The following FBXL20 variants were observed in gnomAD, a reference collection of about 807,000 sequenced individuals.
FBXL20 encodes the protein F-box and leucine rich repeat protein 20.
Under a neutral mutation model 64.0 loss-of-function variants are expected in FBXL20, and 11 were observed. That is an observed-to-expected ratio of 0.17 (90% CI 0.11 to 0.28). FBXL20 has a LOEUF of 0.28. Among genes scored for constraint, FBXL20 ranks in the 10% least tolerant of loss-of-function variants. The pLI is 1.00. For synonymous variants in FBXL20, 184 were observed against 189.0 expected, an observed-to-expected ratio of 0.97 and a Z score of 0.22; for missense variants, 303 against 526.2, an observed-to-expected ratio of 0.58 and a Z score of 4.15.
chr17:39,268,913 A>T lies in FBXL20; in HGVS notation c.889-42T>A, dbSNP rs1468869874. On this transcript the variant is annotated intron_variant, in intron 11 of 14. Transcript: ENST00000264658. ...CAAACACAAACATTACAGTACAAAC[A>T]TTTAAAACATGAGAAACTTTTAAGG... 3.2e-6 allele frequency: 5 copies of T among 1,556,422 alleles called. No individual in the cohort carries two copies. The South Asian group carries it at 4.5e-5, about 14-fold the overall frequency.
chr17:39,333,722 A>G (rs936818103), intron 2 of FBXL20, among the ~76,000 whole-genome samples: 19 of 138,828 alleles, frequency 1.4e-4, no homozygotes, highest in Non-Finnish European at 2.0e-4. Flanking sequence ...CCGGCCGCCC[A>G]TCATCTGGGA....
At chr17:39,300,494 G>A (rs2047124140) in intron 4 of FBXL20, among the ~76,000 whole-genome samples, 1 of 152,100 alleles carries the variant, frequency 6.6e-6, no homozygotes, top group Non-Finnish European at 1.5e-5. Context: ...AAAACATGGG[G>A]CAAAAAGTGA....
rs1374911909 is a variant in FBXL20, at chr17:39,275,032, A to G, written c.765T>C (p.Ser255=). The G allele has an allele frequency of 6.2e-7, 1 of 1,614,086 alleles. No homozygotes were observed. ...TGGCATCTGTGATGTTGGAGCAGCCAGAGGCACAAAGGGATTGTAACTTAT... is the reference window on the plus strand; with the variant it reads ...TGGCATCTGTGATGTTGGAGCAGCCGGAGGCACAAAGGGATTGTAACTTAT... ...GCHKLQSLCA[S]GCSNITDAIL... is the part of the protein sequence containing the mutation. Residue 255 remains serine (S), a synonymous_variant, in exon 10 of 15, where the codon TCT becomes TCC. Transcript: ENST00000264658.
intron 1 of FBXL20, among the ~76,000 whole-genome samples, chr17:39,363,816 A>AC: frequency 6.9e-6 from 1 of 144,106 alleles, no homozygotes; most frequent in African/African-American, 2.7e-5. Context: ...ATCTCAAAAA[A>AC]AAAAAAAAAA....
intron 1 of FBXL20, among the ~76,000 whole-genome samples, chr17:39,365,521 T>G (rs1226154827): frequency 6.6e-6 from 1 of 152,214 alleles, no homozygotes; most frequent in Admixed American, 6.6e-5. Context: ...GGTCAAACTT[T>G]CTGCTTTGGA....
intron 2 of FBXL20, among the ~76,000 whole-genome samples, chr17:39,333,510 A>G (rs1022649749): frequency 1.3e-5 from 2 of 152,098 alleles, no homozygotes; most frequent in Non-Finnish European, 2.9e-5. Context: ...TCCACCTCCC[A>G]GCCGCCTGCC....
At chr17:39,338,629 C>T (rs541532667) in intron 2 of FBXL20, among the ~76,000 whole-genome samples, 3 of 152,154 alleles carry the variant, frequency 2.0e-5, no homozygotes, top group African/African-American at 4.8e-5. Context: ...CTACAAAGAA[C>T]ATAATTCTGC....
chr17:39,401,315 G>A, intron 1 of FBXL20, 46 bp downstream of exon 1: 1 of 1,612,072 alleles, frequency 6.2e-7, no homozygotes. Flanking sequence ...GGATTAGAGC[G>A]CGCGACCCGC....
chr17:39,261,602 A>T, intron 14 of FBXL20, 35 bp from the exon 15 acceptor site: 1 of 1,487,346 alleles, frequency 6.7e-7, no homozygotes, highest in African/African-American at 1.4e-5. Flanking sequence ...CGTTTAAGAG[A>T]GGGCTTAAAC....
intron 4 of FBXL20, among the ~76,000 whole-genome samples, chr17:39,300,359 A>G (rs944980862): frequency 6.6e-6 from 1 of 152,212 alleles, no homozygotes; most frequent in Non-Finnish European, 1.5e-5. Context: ...AGAAGCCATG[A>G]AGAAGCTATT....
intron 6 of FBXL20, among the ~76,000 whole-genome samples, chr17:39,290,674 C>T (rs1243674250): frequency 6.6e-6 from 1 of 152,052 alleles, no homozygotes; most frequent in Non-Finnish European, 1.5e-5. Flanking sequence ...AAGCGATCCT[C>T]CCACCTCAGC....
At position 39,268,824 on chromosome 17, in the gene FBXL20, T is replaced by C. The variant is rs1162654192; in HGVS notation, c.933+3A>G. ...ATTTCTGAATTAAAATCTACAATCTTACCTGAACACACTCTTCCAGGTCCA... is the reference window on the plus strand; with the variant it reads ...ATTTCTGAATTAAAATCTACAATCTCACCTGAACACACTCTTCCAGGTCCA... On this transcript the variant is annotated splice_donor_region_variant and intron_variant, in intron 12 of 14. Coordinates refer to ENST00000264658, the MANE Select transcript of FBXL20 (RefSeq NM_032875.3). 37 of 1,612,178 alleles carry C rather than the reference T, an allele frequency of 2.3e-5. No individual in the cohort carries two copies. Among genetic ancestry groups the C allele is most frequent in the African/African-American group, 4.0e-5 (3 of 74,880 alleles).
At chr17:39,385,308 C>T (rs765222153) in intron 1 of FBXL20, among the ~76,000 whole-genome samples, 6 of 142,404 alleles carry the variant, frequency 4.2e-5, no homozygotes. Context: ...CACTGTGAGA[C>T]CCTGTCTCTA....
intron 2 of FBXL20, among the ~76,000 whole-genome samples, chr17:39,309,596 A>G (rs974638042): frequency 1.8e-4 from 28 of 152,010 alleles, no homozygotes; most frequent in Non-Finnish European, 3.7e-4. Flanking sequence ...TGAGGTCAGG[A>G]GTTCGAGACC....
intron 2 of FBXL20, among the ~76,000 whole-genome samples, chr17:39,324,021 C>T (rs1014571054): frequency 2.8e-5 from 4 of 140,908 alleles, no homozygotes; most frequent in African/African-American, 8.6e-5. Flanking sequence ...CCCTCCCCCC[C>T]CCACCCCCTG....
intron 1 of FBXL20, among the ~76,000 whole-genome samples, chr17:39,369,583 C>A (rs1321966058): frequency 6.6e-6 from 1 of 152,038 alleles, no homozygotes; most frequent in Admixed American, 6.6e-5. Context: ...AAACTCCTGA[C>A]CTCATGATCC....
intron 14 of FBXL20, 155 bp downstream of exon 14, chr17:39,264,020 T>C (rs751683817): frequency 1.3e-5 from 10 of 787,678 alleles, no homozygotes; most frequent in Admixed American, 2.9e-5. Flanking sequence ...AGGGAAAAAC[T>C]ATCTGTCCTT....
At chr17:39,292,375 C>T (rs1312015846) in intron 6 of FBXL20, among the ~76,000 whole-genome samples, 1 of 149,984 alleles carries the variant, frequency 6.7e-6, no homozygotes, top group Non-Finnish European at 1.5e-5. Context: ...TTTAAAATTT[C>T]TTATGTACTT....
intron 1 of FBXL20, among the ~76,000 whole-genome samples, chr17:39,379,664 T>C (rs1165065048): frequency 1.3e-5 from 2 of 151,802 alleles, no homozygotes; most frequent in African/African-American, 2.4e-5. Flanking sequence ...ATCTGCCACT[T>C]AGCTACTTGG....
Sources: allele counts gnomAD v4.1 joint callset (sites outside exome capture counted in the v4.1 genomes callset), GRCh38; gene constraint gnomAD v4.1.1; transcripts MANE v1.5; gene names NCBI Gene and HGNC (gene_info 2026-07-23, HGNC 2026-07-21).